LRPPRC: variants seen among roughly 807,000 people sequenced by gnomAD.
LRPPRC encodes leucine rich pentatricopeptide repeat containing, also known as leucine-rich PPR motif-containing protein, mitochondrial.
LRPPRC carries 120 observed loss-of-function variants against 180.3 expected under a neutral mutation model. The ratio of observed to expected loss-of-function variants is 0.67; its 90% CI spans 0.57 to 0.77. The LOEUF (loss-of-function observed/expected upper bound fraction) is 0.77. LRPPRC is among the 30% of genes least tolerant of loss of function. The pLI, the probability that LRPPRC is intolerant of heterozygous loss-of-function variation, is 0.00. For missense variants in LRPPRC, 2,012 were observed against 1,657.2 expected, an observed-to-expected ratio of 1.21 and a Z score of -3.72; for synonymous variants, 723 against 600.0, an observed-to-expected ratio of 1.21 and a Z score of -3.00.
At position 43,887,147 on chromosome 2, in the gene LRPPRC, A is replaced by ATCTC. The variant is rs1670297580; in HGVS notation, c.*1452_*1453insGAGA. On this transcript the variant is annotated 3_prime_UTR_variant, in exon 38 of 38. Coordinates refer to ENST00000260665, the MANE Select transcript of LRPPRC (RefSeq NM_133259.4). ...AGCAACAGAGCAAGACTATCTCAAA[A>ATCTC]AAAAAAAAAAAAAAAAAGATGCTTT... 3 of 149,638 alleles carry ATCTC rather than the reference A, an allele frequency of 2.0e-5. No individual in the cohort carries two copies. Among genetic ancestry groups the ATCTC allele is most frequent in the African/African-American group, 7.4e-5 (3 of 40,794 alleles). 9.3% of individuals were successfully genotyped at this position (149,638 alleles called of 1,614,324 possible).
chr2:43,961,103 A>T (rs563080375), intron 12 of LRPPRC, among the ~76,000 whole-genome samples: 6 of 152,330 alleles, frequency 3.9e-5, no homozygotes, highest in African/African-American at 7.2e-5. Context: ...ATAGTATATT[A>T]AAAAACCACT....
Position 43,913,587 on chromosome 2 carries a change from A to C in LRPPRC, c.3149-1029T>G, listed in dbSNP as rs780349280. Among the ~76,000 whole-genome samples the C allele has an allele frequency of 2.6e-5, 4 of 152,206 alleles. 1 individual carries two copies. In the South Asian group the frequency reaches 6.2e-4, roughly 24 times the overall value. On this transcript the variant is annotated intron_variant, in intron 29 of 37. Transcript: ENST00000260665. ...AAACTTAAGTGGCACTGTCAAAGAA[A>C]TATTTATCCCTTTAAGCTAAATTTG...
intron 27 of LRPPRC, among the ~76,000 whole-genome samples, chr2:43,919,197 T>G (rs146222156): frequency 0.014 from 2,082 of 152,254 alleles, 48 homozygotes; most frequent in African/African-American, 0.047. Context: ...ATCTAACTAA[T>G]GCCTGATGAT....
chr2:43,941,838 A>C (rs1230781727), intron 23 of LRPPRC, among the ~76,000 whole-genome samples: 1 of 39,232 alleles, frequency 2.5e-5, no homozygotes, highest in East Asian at 1.1e-3. Flanking sequence ...AAAGTAGTCT[A>C]AAAAAAAAAA....
chr2:43,975,235 A>C lies in LRPPRC; in HGVS notation c.738-18T>G. 1.2e-6 allele frequency: 2 copies of C among 1,609,340 alleles called. No individual in the cohort carries two copies. The highest frequency in any genetic ancestry group is 1.7e-6 in the Non-Finnish European group (2 of 1,178,190). ...CCATATCACTACAAGTTAATTCAAA[A>C]AACAGATTATTATGCTTTTGCCAAA... On this transcript the variant is annotated intron_variant, in intron 6 of 37. Coordinates refer to ENST00000260665, the MANE Select transcript of LRPPRC (RefSeq NM_133259.4).
chr2:43,995,545 G>A (rs560259366), intron 1 of LRPPRC, among the ~76,000 whole-genome samples: 1 of 152,354 alleles, frequency 6.6e-6, no homozygotes, highest in South Asian at 2.1e-4. Flanking sequence ...AGGGCAGTAA[G>A]GTCCAGGCTG....
chr2:43,945,660 T>C (rs1221327580), intron 21 of LRPPRC, among the ~76,000 whole-genome samples: 1 of 152,108 alleles, frequency 6.6e-6, no homozygotes, highest in Non-Finnish European at 1.5e-5. Flanking sequence ...CTGCAAAGGA[T>C]ACTTATGAAG....
At chr2:43,904,378 C>T (rs1232120104) in intron 31 of LRPPRC, 2 of 152,206 alleles carry the variant, frequency 1.3e-5, no homozygotes, top group Non-Finnish European at 2.9e-5. Flanking sequence ...ACAACTTCCT[C>T]TCAAGGATGT....
At chr2:43,934,051 C>T (rs1417268219) in intron 25 of LRPPRC, 139 bp downstream of exon 25, 3 of 624,178 alleles carry the variant, frequency 4.8e-6, no homozygotes, top group South Asian at 4.0e-5. Context: ...GGCCGAGATC[C>T]CCCTCCCCCA....
chr2:43,992,350 C>G lies in LRPPRC; in HGVS notation c.149+3449G>C, dbSNP rs114652791. ...TCTGCAGTTTAACGAGAGCCCCAGG[C>G]AATCATGCTCACTAGAGTTTGAGAA... On this transcript the variant is annotated intron_variant, in intron 1 of 37. Transcript: ENST00000260665. 5.8e-3 allele frequency among the ~76,000 whole-genome samples: 883 copies of G among 152,278 alleles called. 7 individuals carry two copies. Among genetic ancestry groups the G allele is most frequent in the African/African-American group, 0.02 (839 of 41,554 alleles).
intron 20 of LRPPRC, among the ~76,000 whole-genome samples, chr2:43,946,810 G>C (rs1175319466): frequency 3.9e-5 from 6 of 151,976 alleles, no homozygotes; most frequent in Admixed American, 1.3e-4. Flanking sequence ...TGAACACAAA[G>C]TACAGCTGGA....
At chr2:43,976,938 T>C (rs1674083555) in intron 5 of LRPPRC, 56 bp downstream of exon 5, 1 of 1,396,326 alleles carries the variant, frequency 7.2e-7, no homozygotes, top group African/African-American at 1.4e-5. Flanking sequence ...GAACAGACAT[T>C]AGATTTACAA....
In LRPPRC at chr2:43,945,363, T is replaced by C; in HGVS notation, c.2265A>G (p.Val755=). ...VLDTGKYVGL[V]RVLAKHGKLQ... Reference sequence around the variant, plus strand: ...GCTTGCCATGCTTTGCCAATACTCTTACAAGGCCTACATACTTGCCGGTGT... The same window carrying C: ...GCTTGCCATGCTTTGCCAATACTCTCACAAGGCCTACATACTTGCCGGTGT... The change falls in exon 22 of 38, where the codon GTA becomes GTG. Residue 755 remains valine, a synonymous_variant. Transcript: ENST00000260665. 1 of 1,612,562 alleles carries C rather than the reference T, an allele frequency of 6.2e-7. No homozygotes were observed. Among genetic ancestry groups the C allele is most frequent in the South Asian group, 1.1e-5 (1 of 91,054 alleles).
chr2:43,920,361 C>A (rs984929424), intron 27 of LRPPRC, among the ~76,000 whole-genome samples: 13 of 152,244 alleles, frequency 8.5e-5, no homozygotes, highest in Admixed American at 4.6e-4. Context: ...GTCTTGAACC[C>A]CTGACCTCAA....
rs1670885005 is a variant in LRPPRC at position 43,901,499 on chromosome 2, T to C, written c.3390A>G (p.Val1130=). The C allele has an allele frequency of 2.5e-6, 4 of 1,613,294 alleles. No individual in the cohort carries two copies. The highest frequency in any genetic ancestry group is 1.3e-5 in the African/African-American group (1 of 75,044). ...TAGAAGGGGTCTGCTGCTGATCCAA[T>C]ACTGTTTTCAGTGTTGTCACAGCCT... is the stretch of plus-strand genomic sequence containing the variant. ...LKEAVTTLKT[V]LDQQQTPSRL... is the part of the protein sequence containing the mutation. Residue 1130 remains valine (V), a synonymous_variant, in exon 32 of 38, where the codon GTA becomes GTG. Coordinates refer to ENST00000260665, the MANE Select transcript of LRPPRC (RefSeq NM_133259.4).
At position 43,946,254 on chromosome 2, in the gene LRPPRC, G is replaced by A; in HGVS notation, c.2080-11C>T. The A allele has an allele frequency of 1.2e-6, 2 of 1,604,996 alleles. No homozygotes were observed. The highest frequency in any genetic ancestry group is 1.7e-6 in the Non-Finnish European group (2 of 1,172,294). On this transcript the variant is annotated splice_polypyrimidine_tract_variant and intron_variant, in intron 20 of 37. Transcript: ENST00000260665. ...GGCTTTTTGCATATTCTAAAATACA[G>A]CATAGATGTGAAAAAGAAGAAATCA...
chr2:43,981,236 A>T (rs1218905850), intron 2 of LRPPRC, among the ~76,000 whole-genome samples: 1 of 152,216 alleles, frequency 6.6e-6, no homozygotes, highest in African/African-American at 2.4e-5. Flanking sequence ...GTCTTATATG[A>T]TCATCTTACA....
chr2:43,942,521 A>T (rs1235641684), intron 23 of LRPPRC, among the ~76,000 whole-genome samples: 4 of 152,144 alleles, frequency 2.6e-5, no homozygotes, highest in Non-Finnish European at 5.9e-5. Flanking sequence ...TTTTGATTGG[A>T]TGGCAAAGGA....
intron 1 of LRPPRC, among the ~76,000 whole-genome samples, chr2:43,992,495 C>G (rs1264111382): frequency 6.6e-6 from 1 of 152,182 alleles, no homozygotes. Flanking sequence ...AGCACCTGTG[C>G]TAAAGAGTCT....
Sources: allele counts gnomAD v4.1 joint callset (sites outside exome capture counted in the v4.1 genomes callset), GRCh38; gene constraint gnomAD v4.1.1; transcripts MANE v1.5; gene names NCBI Gene and HGNC (gene_info 2026-07-23, HGNC 2026-07-21).